FAM53B: variants seen among roughly 807,000 people sequenced by gnomAD.
FAM53B encodes protein FAM53B.
Under a neutral mutation model 32.7 loss-of-function variants are expected in FAM53B, and 12 were observed. That is an observed-to-expected ratio of 0.37 (90% CI 0.24 to 0.59). The LOEUF (loss-of-function observed/expected upper bound fraction) is 0.59. FAM53B is among the 20% of genes least tolerant of loss of function. The pLI is 0.72. For missense variants in FAM53B, 477 were observed against 577.7 expected (o/e 0.83, Z 1.79); for synonymous variants, 234 against 228.7 (o/e 1.02, Z -0.21).
At chr10:124,719,101 GTC>G (rs1950053373) in intron 1 of FAM53B, among the ~76,000 whole-genome samples, 1 of 152,090 alleles carries the variant, frequency 6.6e-6, no homozygotes, top group Non-Finnish European at 1.5e-5. Context: ...GCTTCATGAA[GTC>G]CTAATTCAAA....
chr10:124,664,249 G>C (rs571592565), intron 4 of FAM53B, among the ~76,000 whole-genome samples: 33 of 152,246 alleles, frequency 2.2e-4, no homozygotes, highest in Non-Finnish European at 4.7e-4. Context: ...ACTTGCCAGA[G>C]AGCAGCCTCC....
Position 124,662,668 on chromosome 10 carries a change from T to G in FAM53B, c.906+18939A>C, listed in dbSNP as rs182675935. Reference sequence around the variant, plus strand: ...CTGTCTCTACAAAAAATTAAAAGACTTAAAAATTAGCCTGGCATACTGGCA... The same window carrying G: ...CTGTCTCTACAAAAAATTAAAAGACGTAAAAATTAGCCTGGCATACTGGCA... On this transcript the variant is annotated intron_variant, in intron 4 of 4. Coordinates refer to ENST00000337318, the MANE Select transcript of FAM53B (RefSeq NM_014661.4). Among the ~76,000 whole-genome samples the G allele has an allele frequency of 8.5e-5, 13 of 152,220 alleles. No homozygotes were observed. In the South Asian group the frequency reaches 1.7e-3, roughly 19 times the overall value.
At chr10:124,679,472 C>T (rs1413722820) in intron 4 of FAM53B, among the ~76,000 whole-genome samples, 1 of 152,226 alleles carries the variant, frequency 6.6e-6, no homozygotes, top group Non-Finnish European at 1.5e-5. Flanking sequence ...CACAGAAAAG[C>T]AAGGTCCACC....
intron 3 of FAM53B, among the ~76,000 whole-genome samples, chr10:124,687,184 G>A (rs541812375): frequency 5.4e-4 from 82 of 152,328 alleles, no homozygotes; most frequent in African/African-American, 1.9e-3. Context: ...AACAGGAATA[G>A]AAGCTAATTT....
At chr10:124,700,409 C>T (rs972222371) in intron 2 of FAM53B, among the ~76,000 whole-genome samples, 3 of 152,168 alleles carry the variant, frequency 2.0e-5, no homozygotes, top group Non-Finnish European at 2.9e-5. Flanking sequence ...TGAGGTTTCA[C>T]AAGACACTCA....
chr10:124,658,800 C>CT (rs1949611720), intron 4 of FAM53B, among the ~76,000 whole-genome samples: 1 of 152,220 alleles, frequency 6.6e-6, no homozygotes, highest in Non-Finnish European at 1.5e-5. Context: ...TCCCTGCCTC[C>CT]ACCCATGCTC....
In FAM53B at chr10:124,733,841, C is replaced by T. The variant is rs577313432; in HGVS notation, c.-175+10172G>A. Among the ~76,000 whole-genome samples, 53 of 152,334 alleles carry T rather than the reference C, an allele frequency of 3.5e-4. No homozygotes were observed. The South Asian group carries it at 0.011, about 32-fold the overall frequency. On this transcript the variant is annotated intron_variant, in intron 1 of 4. Coordinates refer to ENST00000337318, the MANE Select transcript of FAM53B (RefSeq NM_014661.4). The surrounding 1 kb of genome is among the most constrained non-coding windows in gnomAD (Gnocchi z 4.3). ...GCTTTCTCCCAGCCCTTCGCCCTTC[C>T]CTTTACTGCCATCCTGACCTAGATC...
At position 124,716,769 on chromosome 10, in the gene FAM53B, G is replaced by A. The variant is rs146430108; in HGVS notation, c.-174-9882C>T. 8.5e-5 allele frequency among the ~76,000 whole-genome samples: 13 copies of A among 152,214 alleles called. No individual in the cohort carries two copies. In the East Asian group the frequency reaches 2.5e-3, roughly 29 times the overall value. On this transcript the variant is annotated intron_variant, in intron 1 of 4. Transcript: ENST00000337318. ...TTGACACACTCAAAAGGAAGGAGAC[G>A]AGGGACAAGAGGCACGGAGAGAGGA...
At chr10:124,706,168 A>G (rs1200574122) in intron 2 of FAM53B, among the ~76,000 whole-genome samples, 1 of 152,174 alleles carries the variant, frequency 6.6e-6, no homozygotes, top group African/African-American at 2.4e-5. Flanking sequence ...CACCTTTGGC[A>G]GAGGGTGGCT....
intron 4 of FAM53B, among the ~76,000 whole-genome samples, chr10:124,661,617 G>A (rs1008345945): frequency 2.0e-5 from 3 of 152,204 alleles, no homozygotes; most frequent in Admixed American, 6.5e-5. Flanking sequence ...CAGTGGGGAG[G>A]AGGGAAGGGA....
In FAM53B at chr10:124,702,450, A is replaced by G. The variant is rs1056010970; in HGVS notation, c.78+4186T>C. Reference sequence around the variant, plus strand: ...GTCCCGTGGATGTCATCACTAGACTAAGATTATTTTCAGTATTTCTTCAGT... The same window carrying G: ...GTCCCGTGGATGTCATCACTAGACTGAGATTATTTTCAGTATTTCTTCAGT... On this transcript the variant is annotated intron_variant, in intron 2 of 4. Coordinates refer to ENST00000337318, the MANE Select transcript of FAM53B (RefSeq NM_014661.4). 3.3e-5 allele frequency among the ~76,000 whole-genome samples: 5 copies of G among 152,288 alleles called. No homozygotes were observed. The East Asian group carries it at 9.7e-4, about 29-fold the overall frequency.
Position 124,622,927 on chromosome 10 carries a change from A to C in FAM53B, c.*315T>G. On this transcript the variant is annotated 3_prime_UTR_variant, in exon 5 of 5. Transcript: ENST00000337318. ...CCCAGCTCTGCCGGGGACAACAGAG[A>C]CTGCCCAACATCCCACAGGGAAAGA... 7.0e-6 allele frequency: 2 copies of C among 284,914 alleles called. No individual in the cohort carries two copies. The highest frequency in any genetic ancestry group is 1.3e-5 in the Non-Finnish European group (2 of 151,298). The allele number at this position is 284,914 out of a possible 1,614,324, so 17.6% of individuals were successfully genotyped here.
chr10:124,628,026 T>C (rs1428608817), intron 4 of FAM53B, among the ~76,000 whole-genome samples: 5 of 152,340 alleles, frequency 3.3e-5, no homozygotes, highest in African/African-American at 1.2e-4. Flanking sequence ...GGCAGACTGC[T>C]ACTCACTCCG....
chr10:124,728,688 A>G (rs1950123011), intron 1 of FAM53B, among the ~76,000 whole-genome samples: 1 of 152,230 alleles, frequency 6.6e-6, no homozygotes, highest in Non-Finnish European at 1.5e-5. Context: ...ATTTCAAAAT[A>G]GCCCAGGACA....
intron 1 of FAM53B, among the ~76,000 whole-genome samples, chr10:124,716,209 C>CT (rs2134093182): frequency 6.6e-6 from 1 of 152,352 alleles, no homozygotes; most frequent in South Asian, 2.1e-4. Flanking sequence ...ATTCCCTGAT[C>CT]TAGTCCTTCA....
At chr10:124,635,139 C>T (rs1460842166) in intron 4 of FAM53B, among the ~76,000 whole-genome samples, 2 of 152,160 alleles carry the variant, frequency 1.3e-5, no homozygotes, top group African/African-American at 4.8e-5. Context: ...GTCACCCAGG[C>T]TGGAGTGCAG....
At position 124,638,052 on chromosome 10, in the gene FAM53B, T is replaced by C. The variant is rs546243662; in HGVS notation, c.907-14448A>G. On this transcript the variant is annotated intron_variant, in intron 4 of 4. Transcript: ENST00000337318. Reference sequence around the variant, plus strand: ...AATGAAGGACTGAAATGATGATCCATTTGGGGTGGGATCCTGCCTGTCAAC... The same window carrying C: ...AATGAAGGACTGAAATGATGATCCACTTGGGGTGGGATCCTGCCTGTCAAC... Among the ~76,000 whole-genome samples, 114 of 152,168 alleles carry C rather than the reference T, an allele frequency of 7.5e-4. 1 individual carries two copies. Among genetic ancestry groups the C allele is most frequent in the South Asian group, 7.1e-3 (34 of 4,808 alleles).
At chr10:124,699,454 C>T (rs1300519612) in intron 2 of FAM53B, among the ~76,000 whole-genome samples, 1 of 152,232 alleles carries the variant, frequency 6.6e-6, no homozygotes, top group African/African-American at 2.4e-5. Flanking sequence ...GCTAGCCTGG[C>T]CTCCTCATGC....
chr10:124,696,290 A>C, intron 2 of FAM53B, 78 bp from the exon 3 acceptor site: 2 of 1,218,736 alleles, frequency 1.6e-6, no homozygotes, highest in Middle Eastern at 1.9e-4. Context: ...ATCCCTTCTA[A>C]AGTCACAATA....
Sources: gnomAD v4.1 joint callset for allele counts (sites outside exome capture counted in the v4.1 genomes callset) on GRCh38, gnomAD v4.1.1 for gene constraint, Gnocchi (gnomAD v3.1) non-coding constraint, MANE v1.5 for transcripts, NCBI Gene and HGNC (gene_info 2026-07-23, HGNC 2026-07-21) for gene names.